Variants in PLA2G4C observed in about 807,000 individuals in gnomAD.
PLA2G4C encodes the protein phospholipase A2 group IVC, also known as cytosolic phospholipase A2 gamma.
PLA2G4C carries 64 observed loss-of-function variants against 73.8 expected under a neutral mutation model. The observed-to-expected ratio is 0.87, with a 90% CI of 0.71 to 1.07. The LOEUF (loss-of-function observed/expected upper bound fraction) is 1.07, where lower values mean the gene tolerates loss of function less well. Ranked by LOEUF, PLA2G4C falls within the 50% of genes least tolerant of loss-of-function variation. PLA2G4C has a pLI of 0.00. For synonymous variants in PLA2G4C, 254 were observed against 252.1 expected (o/e 1.01, Z -0.07); for missense variants, 622 against 665.4 (o/e 0.93, Z 0.72).
intron 12 of PLA2G4C, among the ~76,000 whole-genome samples, chr19:48,068,185 G>A (rs10402990): frequency 0.2 from 30,740 of 151,764 alleles, 3,313 homozygotes; most frequent in Middle Eastern, 0.26. Context: ...CATGCCTGTA[G>A]TCCCAGCTAC....
intron 10 of PLA2G4C, among the ~76,000 whole-genome samples, chr19:48,081,119 C>A (rs1256598691): frequency 6.7e-6 from 1 of 149,770 alleles, no homozygotes; most frequent in East Asian, 2.0e-4. Context: ...GAGCCGAGAT[C>A]GCGCCACTGC....
intron 14 of PLA2G4C, among the ~76,000 whole-genome samples, chr19:48,059,244 C>T (rs1038944168): frequency 2.1e-5 from 3 of 139,620 alleles, no homozygotes; most frequent in Non-Finnish European, 4.5e-5. Context: ...GCACTCCAGC[C>T]TATGTGATAG....
At chr19:48,102,365 T>C (rs150007368) in intron 4 of PLA2G4C, among the ~76,000 whole-genome samples, 28,015 of 151,092 alleles carry the variant, frequency 0.19, 5,336 homozygotes, top group African/African-American at 0.48. Flanking sequence ...GTGGCACGCG[T>C]CTGTAATCCC....
intron 2 of PLA2G4C, among the ~76,000 whole-genome samples, chr19:48,105,901 C>T (rs1600267020): frequency 2.8e-4 from 1 of 3,556 alleles, no homozygotes; most frequent in Admixed American, 1.6e-3. Context: ...CTCCCTCCCT[C>T]CCTCCCTCCC....
At chr19:48,084,711 G>A (rs2030870699) in intron 10 of PLA2G4C, among the ~76,000 whole-genome samples, 1 of 152,188 alleles carries the variant, frequency 6.6e-6, no homozygotes, top group Non-Finnish European at 1.5e-5. Context: ...TGTCCTATGT[G>A]CTTTTGATGA....
chr19:48,079,379 C>G (rs1947486582), intron 10 of PLA2G4C, among the ~76,000 whole-genome samples: 1 of 152,132 alleles, frequency 6.6e-6, no homozygotes, highest in Non-Finnish European at 1.5e-5. Flanking sequence ...TACTTATAGC[C>G]AAGTGATCTT....
chr19:48,063,694 G>A (rs1000556160), intron 13 of PLA2G4C: 2 of 150,568 alleles, frequency 1.3e-5, no homozygotes, highest in East Asian at 3.9e-4. Flanking sequence ...AGTTCTGGCC[G>A]TGACAGGAAG....
intron 4 of PLA2G4C, among the ~76,000 whole-genome samples, chr19:48,102,352 A>G (rs388212): frequency 0.19 from 28,028 of 151,380 alleles, 5,349 homozygotes; most frequent in African/African-American, 0.48. Flanking sequence ...TTAGCTGGGC[A>G]TGGTGGCACG....
chr19:48,091,883 C>CA (rs35118449), intron 7 of PLA2G4C, among the ~76,000 whole-genome samples: 516 of 21,046 alleles, frequency 0.025, 49 homozygotes, highest in African/African-American at 0.043. Context: ...GACTCCATCT[C>CA]AAAAAAAAAA....
At chr19:48,064,439 A>AC (rs1028714910) in intron 13 of PLA2G4C, among the ~76,000 whole-genome samples, 78 of 151,858 alleles carry the variant, frequency 5.1e-4, no homozygotes, top group African/African-American at 1.7e-3. Context: ...TCAAAAAAAA[A>AC]AAAAACCAAA....
chr19:48,054,448 C>A (rs1248010834), intron 15 of PLA2G4C, among the ~76,000 whole-genome samples: 1 of 151,946 alleles, frequency 6.6e-6, no homozygotes, highest in Non-Finnish European at 1.5e-5. Context: ...GGATTACAGG[C>A]ACGCACCACC....
intron 15 of PLA2G4C, 43 bp downstream of exon 15, chr19:48,054,835 A>G (rs1422868457): frequency 1.2e-5 from 18 of 1,557,292 alleles, no homozygotes; most frequent in Non-Finnish European, 1.6e-5. Context: ...GTGAGCATGG[A>G]CTAATACAGG....
At chr19:48,094,726 A>T (rs939391765) in intron 7 of PLA2G4C, among the ~76,000 whole-genome samples, 13 of 152,208 alleles carry the variant, frequency 8.5e-5, no homozygotes, top group African/African-American at 3.1e-4. Flanking sequence ...TGTAAGCTAC[A>T]GTCAAGGACA....
chr19:48,109,206 A>C (rs2032370100), intron 1 of PLA2G4C, among the ~76,000 whole-genome samples: 1 of 138,774 alleles, frequency 7.2e-6, no homozygotes, highest in Non-Finnish European at 1.6e-5. Context: ...CCACCTCCAA[A>C]TTCATATGTT....
Position 48,054,905 on chromosome 19 carries a change from G to A in PLA2G4C, c.1402C>T (p.Pro468Ser). ...CCACAGGCATCTATGTTGAACAGGG[G>A]AAAATGCATCACCACTGGTCCAGTT... ...GETGPVVMHF[P>S]LFNIDACGGD... Residue 468 changes from proline to serine, a missense_variant, in exon 15 of 17, where the codon CCC (proline) becomes TCC (serine). By Grantham distance (74) the Pro-to-Ser change is moderately conservative. Transcript: ENST00000599921. The A allele has an allele frequency of 6.2e-7, 1 of 1,614,032 alleles. No individual in the cohort carries two copies. Among genetic ancestry groups the A allele is most frequent in the Non-Finnish European group, 8.5e-7 (1 of 1,180,026 alleles).
chr19:48,069,791 G>C (rs1033841752), intron 12 of PLA2G4C, among the ~76,000 whole-genome samples: 9 of 151,994 alleles, frequency 5.9e-5, no homozygotes, highest in Non-Finnish European at 1.3e-4. Context: ...TCTTGAGACA[G>C]TCTTGCTCTG....
At chr19:48,107,281 C>A (rs2032283230) in intron 1 of PLA2G4C, among the ~76,000 whole-genome samples, 2 of 152,162 alleles carry the variant, frequency 1.3e-5, no homozygotes, top group Admixed American at 1.3e-4. Context: ...GGTCTCAGGA[C>A]CAGGTGGTAG....
At chr19:48,092,746 G>T (rs2031376852) in intron 7 of PLA2G4C, among the ~76,000 whole-genome samples, 1 of 151,392 alleles carries the variant, frequency 6.6e-6, no homozygotes, top group Admixed American at 6.6e-5. Context: ...GGTTGTCAGG[G>T]GCTAAGGGAG....
rs546726832 is a variant in PLA2G4C, at chr19:48,066,671, G to A, written c.1102+1120C>T. 1.8e-4 allele frequency among the ~76,000 whole-genome samples: 27 copies of A among 152,114 alleles called. 1 individual carries two copies. The South Asian group carries it at 4.4e-3, about 25-fold the overall frequency. On this transcript the variant is annotated intron_variant, in intron 13 of 16. Coordinates refer to ENST00000599921, the MANE Select transcript of PLA2G4C (RefSeq NM_003706.3). ...TGTTCACGATAGTCTTGTAACAAAA[G>A]AGTGGGGAAGGCCAGGTGTGGGGTG...
Sources: gnomAD v4.1 joint callset for allele counts (sites outside exome capture counted in the v4.1 genomes callset) on GRCh38, gnomAD v4.1.1 for gene constraint, MANE v1.5 for transcripts, NCBI Gene and HGNC (gene_info 2026-07-23, HGNC 2026-07-21) for gene names.